RGS8: variants seen among roughly 807,000 people sequenced by gnomAD.
RGS8 encodes the protein regulator of G protein signaling 8.
In RGS8, 8 loss-of-function variants were observed where a neutral mutation model predicts 21.7. The observed-to-expected ratio is 0.37, with a 90% CI of 0.22 to 0.66. The LOEUF (loss-of-function observed/expected upper bound fraction) is 0.66, where lower values mean the gene tolerates loss of function less well. Ranked by LOEUF, RGS8 falls within the 30% of genes least tolerant of loss-of-function variation. The pLI, the probability that RGS8 is intolerant of heterozygous loss-of-function variation, is 0.59. For synonymous variants in RGS8, 80 were observed against 83.6 expected, an observed-to-expected ratio of 0.96 and a Z score of 0.24; for missense variants, 157 against 217.9, an observed-to-expected ratio of 0.72 and a Z score of 1.76.
chr1:182,673,232 C>T (rs1333716929), upstream of RGS8, among the ~76,000 whole-genome samples: 5 of 152,072 alleles, frequency 3.3e-5, no homozygotes, highest in South Asian at 8.3e-4. Context: ...GAAATGAATT[C>T]GATTTTTTAA....
At chr1:182,690,580 G>C in the RGS8 span, among the ~76,000 whole-genome samples, 1 of 152,158 alleles carries the variant, frequency 6.6e-6, no homozygotes. Context: ...GGCTAGACTA[G>C]GTCATCTGTA....
At chr1:182,735,930 A>T in the RGS8 span, among the ~76,000 whole-genome samples, 1 of 152,198 alleles carries the variant, frequency 6.6e-6, no homozygotes, top group East Asian at 1.9e-4. Context: ...TGAAGGCCAC[A>T]GAGTGCCTTC....
chr1:182,674,071 C>T (rs937046362), upstream of RGS8, among the ~76,000 whole-genome samples: 4 of 152,234 alleles, frequency 2.6e-5, no homozygotes, highest in African/African-American at 9.6e-5. Flanking sequence ...AAACCTGATG[C>T]TTCCAGCCTC....
At chr1:182,741,691 T>A in the RGS8 span, among the ~76,000 whole-genome samples, 1 of 84,908 alleles carries the variant, frequency 1.2e-5, no homozygotes, top group Non-Finnish European at 2.5e-5. Flanking sequence ...CACTTCCCAG[T>A]AGGGGCGGCC....
At chr1:182,655,886 A>T (rs1473271677) in intron 5 of RGS8, among the ~76,000 whole-genome samples, 1 of 152,178 alleles carries the variant, frequency 6.6e-6, no homozygotes, top group African/African-American at 2.4e-5. Context: ...ACATTAACTC[A>T]ATCCTTACAT....
At chr1:182,668,126 G>T (rs1663963504) in intron 3 of RGS8, among the ~76,000 whole-genome samples, 1 of 152,202 alleles carries the variant, frequency 6.6e-6, no homozygotes, top group Non-Finnish European at 1.5e-5. Flanking sequence ...GGGCAGAGTT[G>T]GGTAGTTGCA....
At chr1:182,673,916 C>T (rs76141385), upstream of RGS8, among the ~76,000 whole-genome samples, 1,664 of 152,304 alleles carry the variant, frequency 0.011, 30 homozygotes, top group African/African-American at 0.038. Flanking sequence ...TAGTATGTGC[C>T]AGACACTATG....
intron 5 of RGS8, among the ~76,000 whole-genome samples, chr1:182,651,843 T>C (rs1281908182): frequency 1.3e-5 from 2 of 152,218 alleles, no homozygotes; most frequent in East Asian, 3.9e-4. Context: ...CTCAGTGCTC[T>C]TGGAGGAGGT....
intron 1 of RGS8, among the ~76,000 whole-genome samples, chr1:182,678,934 T>C (rs1456122036): frequency 1.3e-5 from 2 of 152,126 alleles, no homozygotes; most frequent in Non-Finnish European, 2.9e-5. Flanking sequence ...TACCTGGACC[T>C]CTTTTCACTT....
chr1:182,747,043 C>CTTTTTTTTTT, the RGS8 span, among the ~76,000 whole-genome samples: 379 of 21,046 alleles, frequency 0.018, 153 homozygotes, highest in Non-Finnish European at 0.023. Context: ...CACTGCTGGT[C>CTTTTTTTTTT]TTTTTTTTTT....
At chr1:182,671,415 C>T (rs1571345905) in intron 2 of RGS8, among the ~76,000 whole-genome samples, 1 of 152,228 alleles carries the variant, frequency 6.6e-6, no homozygotes, top group East Asian at 1.9e-4. Flanking sequence ...AGGTGGGCAT[C>T]AAGTCACAGG....
chr1:182,661,808 T>TCACACACACACA lies in RGS8; in HGVS notation c.193+4149_193+4160dup, dbSNP rs71127312. ...GAAAGTCTCCTGAGTGTACACACAT[T>TCACACACACACA]CACACACACACACACACACACACAC... is the stretch of plus-strand genomic sequence containing the variant. On this transcript the variant is annotated intron_variant, in intron 5 of 6. Coordinates refer to ENST00000483095, the Ensembl canonical transcript of RGS8. 3.6e-3 allele frequency among the ~76,000 whole-genome samples: 480 copies of TCACACACACACA among 132,448 alleles called. 4 individuals are homozygous for TCACACACACACA. The highest frequency in any genetic ancestry group is 0.012 in the African/African-American group (439 of 37,682). 86.9% of individuals were successfully genotyped at this position (132,448 alleles called of 152,430 possible). A position where few individuals can be genotyped will look rare whatever the true frequency, so the allele number is the denominator to read the frequency against.
the RGS8 span, among the ~76,000 whole-genome samples, chr1:182,704,222 A>G: frequency 2.0e-5 from 3 of 152,240 alleles, no homozygotes; most frequent in Non-Finnish European, 4.4e-5. Flanking sequence ...CTCAGCTTGC[A>G]TAAAATAGCC....
At chr1:182,715,394 C>T in the RGS8 span, among the ~76,000 whole-genome samples, 1 of 152,154 alleles carries the variant, frequency 6.6e-6, no homozygotes, top group Non-Finnish European at 1.5e-5. Flanking sequence ...AGCACGCTCC[C>T]CACTCCCCAT....
At chr1:182,718,966 G>A in the RGS8 span, among the ~76,000 whole-genome samples, 1 of 152,190 alleles carries the variant, frequency 6.6e-6, no homozygotes, top group East Asian at 1.9e-4. Flanking sequence ...GGATTCAGAG[G>A]TTGATGTGAC....
downstream of RGS8, chr1:182,645,176 C>T (rs778832338): frequency 2.0e-5 from 3 of 152,208 alleles, no homozygotes; most frequent in Non-Finnish European, 4.4e-5. Flanking sequence ...GAAAATGGTT[C>T]AGCCCAGTTC....
chr1:182,688,500 C>T (rs1381405294), upstream of RGS8, among the ~76,000 whole-genome samples: 3 of 152,202 alleles, frequency 2.0e-5, no homozygotes, highest in African/African-American at 4.8e-5. Flanking sequence ...AAAATGACCA[C>T]GCCCTAATCC....
the RGS8 span, among the ~76,000 whole-genome samples, chr1:182,701,026 C>G: frequency 6.6e-6 from 1 of 152,178 alleles, no homozygotes. Context: ...TATAAATTTA[C>G]CCAACATGTT....
At chr1:182,710,795 T>C in the RGS8 span, among the ~76,000 whole-genome samples, 1 of 151,992 alleles carries the variant, frequency 6.6e-6, no homozygotes, top group East Asian at 1.9e-4. Flanking sequence ...GACCTGAAAA[T>C]GTAGGTAGTA....
Sources: gnomAD v4.1 joint callset for allele counts (sites outside exome capture counted in the v4.1 genomes callset) on GRCh38, gnomAD v4.1.1 for gene constraint, MANE v1.5 for transcripts, NCBI Gene and HGNC (gene_info 2026-07-23, HGNC 2026-07-21) for gene names.